Variants in ARHGAP24 observed in about 807,000 individuals in gnomAD.
ARHGAP24 encodes the protein Rho GTPase activating protein 24.
A neutral mutation model predicts 76.4 loss-of-function variants in ARHGAP24; 50 were observed. That is an observed-to-expected ratio of 0.65 (90% CI 0.52 to 0.83). The LOEUF (loss-of-function observed/expected upper bound fraction) is 0.83. Ranked by LOEUF, ARHGAP24 falls within the 40% of genes least tolerant of loss-of-function variation. ARHGAP24 has a pLI of 0.00. For missense variants in ARHGAP24, 930 were observed against 914.2 expected, an observed-to-expected ratio of 1.02 and a Z score of -0.22; for synonymous variants, 345 against 323.3, an observed-to-expected ratio of 1.07 and a Z score of -0.72.
At chr4:85,874,024 T>A (rs1732682153) in intron 3 of ARHGAP24, among the ~76,000 whole-genome samples, 1 of 152,184 alleles carries the variant, frequency 6.6e-6, no homozygotes, top group Admixed American at 6.5e-5. Flanking sequence ...GGATTCCTTT[T>A]AAAAAATCTG....
chr4:85,924,104 T>C (rs1487398063), intron 4 of ARHGAP24, among the ~76,000 whole-genome samples: 1 of 152,064 alleles, frequency 6.6e-6, no homozygotes, highest in African/African-American at 2.4e-5. Flanking sequence ...AACATCTAGA[T>C]ATGAAGTAAG....
intron 6 of ARHGAP24, among the ~76,000 whole-genome samples, chr4:85,973,515 A>T (rs1168706332): frequency 1.3e-5 from 2 of 152,202 alleles, no homozygotes; most frequent in African/African-American, 4.8e-5. Flanking sequence ...TTTGAAACAC[A>T]AAAGTTGTAC....
intron 3 of ARHGAP24, among the ~76,000 whole-genome samples, chr4:85,917,854 A>G (rs546694596): frequency 2.0e-5 from 3 of 152,204 alleles, no homozygotes; most frequent in Non-Finnish European, 4.4e-5. Context: ...TTTTCACACA[A>G]TAAGTACAAT....
chr4:85,639,863 G>C (rs1033275455), intron 2 of ARHGAP24, among the ~76,000 whole-genome samples: 2 of 152,128 alleles, frequency 1.3e-5, no homozygotes, highest in South Asian at 4.1e-4. Context: ...TTTGAAAGAA[G>C]TGAGAAATAT....
At chr4:85,701,376 T>C (rs1305621810) in intron 2 of ARHGAP24, among the ~76,000 whole-genome samples, 1 of 152,164 alleles carries the variant, frequency 6.6e-6, no homozygotes, top group East Asian at 1.9e-4. Flanking sequence ...AGTGCACCCA[T>C]CACCTGAGCG....
chr4:85,585,941 CA>C (rs1727840592), intron 2 of ARHGAP24, among the ~76,000 whole-genome samples: 1 of 152,190 alleles, frequency 6.6e-6, no homozygotes, highest in South Asian at 2.1e-4. Flanking sequence ...CCAGATCTCT[CA>C]TTGGAGCAAC....
chr4:85,561,776 C>T (rs576348655), intron 1 of ARHGAP24, among the ~76,000 whole-genome samples: 9 of 152,266 alleles, frequency 5.9e-5, no homozygotes, highest in African/African-American at 1.7e-4. Flanking sequence ...CCACTCTCTG[C>T]TACCTCTGCT....
At chr4:85,900,145 A>T (rs570917748) in intron 3 of ARHGAP24, among the ~76,000 whole-genome samples, 1 of 152,350 alleles carries the variant, frequency 6.6e-6, no homozygotes, top group Non-Finnish European at 1.5e-5. Flanking sequence ...TTTATAACAG[A>T]TATCTGACTA....
chr4:85,706,278 T>C (rs916435639), intron 2 of ARHGAP24, among the ~76,000 whole-genome samples: 15 of 152,222 alleles, frequency 9.9e-5, no homozygotes, highest in African/African-American at 3.6e-4. Context: ...GGATATACCA[T>C]ATTGTAAAGC....
chr4:85,818,773 G>T (rs1482983384), intron 3 of ARHGAP24, among the ~76,000 whole-genome samples: 2 of 152,138 alleles, frequency 1.3e-5, no homozygotes, highest in Non-Finnish European at 2.9e-5. Flanking sequence ...TCTACACTGG[G>T]TTCTCTTCCT....
chr4:85,568,341 A>AT (rs1309854369), intron 1 of ARHGAP24, among the ~76,000 whole-genome samples: 6 of 151,790 alleles, frequency 4.0e-5, no homozygotes, highest in African/African-American at 1.5e-4. Flanking sequence ...TGTGTGGTGG[A>AT]ATGTTTGTTT....
chr4:85,619,768 T>C (rs1425489560), intron 2 of ARHGAP24, among the ~76,000 whole-genome samples: 5 of 152,014 alleles, frequency 3.3e-5, no homozygotes, highest in Non-Finnish European at 7.4e-5. Context: ...TGTTAGTGTA[T>C]AGAAACACTA....
At chr4:85,846,136 C>T (rs1051994775) in intron 3 of ARHGAP24, among the ~76,000 whole-genome samples, 6 of 152,214 alleles carry the variant, frequency 3.9e-5, no homozygotes, top group African/African-American at 1.2e-4. Flanking sequence ...AACTCCTGAC[C>T]TCAGGTGATC....
chr4:85,740,993 A>G (rs1016173396), intron 3 of ARHGAP24, among the ~76,000 whole-genome samples: 9 of 152,228 alleles, frequency 5.9e-5, no homozygotes, highest in African/African-American at 2.2e-4. Flanking sequence ...TAATTTAACA[A>G]TGCTATAATT....
intron 3 of ARHGAP24, among the ~76,000 whole-genome samples, chr4:85,898,622 A>G (rs943982805): frequency 2.0e-5 from 3 of 152,234 alleles, no homozygotes; most frequent in Non-Finnish European, 4.4e-5. Context: ...TTTAACCAGG[A>G]TAGTTGAATA....
chr4:85,591,899 C>G (rs2109981480), intron 2 of ARHGAP24, among the ~76,000 whole-genome samples: 3 of 152,214 alleles, frequency 2.0e-5, no homozygotes, highest in Admixed American at 2.0e-4. Context: ...ATAGTATTAC[C>G]ATACCACAGC....
At chr4:85,885,721 G>A (rs1733529725) in intron 3 of ARHGAP24, among the ~76,000 whole-genome samples, 1 of 151,956 alleles carries the variant, frequency 6.6e-6, no homozygotes, top group Admixed American at 6.6e-5. Context: ...TTTGATAATG[G>A]CTCATGTGTT....
chr4:85,490,100 C>T (rs146716708), intron 1 of ARHGAP24, among the ~76,000 whole-genome samples: 1 of 152,016 alleles, frequency 6.6e-6, no homozygotes, highest in African/African-American at 2.4e-5. Context: ...TTACCATGGG[C>T]CTGGAGGGGG....
intron 2 of ARHGAP24, among the ~76,000 whole-genome samples, chr4:85,627,406 A>T (rs533174627): frequency 6.6e-6 from 1 of 152,050 alleles, no homozygotes; most frequent in Non-Finnish European, 1.5e-5. Flanking sequence ...TGAACCTCAA[A>T]TGCTGTTGCC....
Sources: gnomAD v4.1 joint callset for allele counts (sites outside exome capture counted in the v4.1 genomes callset) on GRCh38, gnomAD v4.1.1 for gene constraint, MANE v1.5 for transcripts, NCBI Gene and HGNC (gene_info 2026-07-23, HGNC 2026-07-21) for gene names.